Variants in GALNT17 observed in about 807,000 individuals in gnomAD.
GALNT17 encodes the protein polypeptide N-acetylgalactosaminyltransferase 17.
Under a neutral mutation model 63.7 loss-of-function variants are expected in GALNT17, and 29 were observed. The observed-to-expected ratio is 0.46, with a 90% CI of 0.34 to 0.62. GALNT17 has a LOEUF of 0.62. Ranked by LOEUF, GALNT17 falls within the 20% of genes least tolerant of loss-of-function variation. The probability of loss-of-function intolerance (pLI) is 0.01; values close to 1 mark genes in which losing one functional copy is unlikely to be tolerated. For missense variants in GALNT17, 603 were observed against 799.6 expected, an observed-to-expected ratio of 0.75 and a Z score of 2.97; for synonymous variants, 305 against 318.3, an observed-to-expected ratio of 0.96 and a Z score of 0.45.
At chr7:71,312,912 C>G (rs952358365) in intron 1 of GALNT17, among the ~76,000 whole-genome samples, 2 of 152,062 alleles carry the variant, frequency 1.3e-5, no homozygotes, top group Non-Finnish European at 2.9e-5. Flanking sequence ...GAGTTCAAGG[C>G]CAGCCTGGGC....
rs1441776535 is a variant in GALNT17 at position 71,472,979 on chromosome 7, A to T, written c.962+51874A>T. 3.3e-5 allele frequency among the ~76,000 whole-genome samples: 5 copies of T among 152,212 alleles called. No homozygotes were observed. The East Asian group carries it at 9.6e-4, about 29-fold the overall frequency. On this transcript the variant is annotated intron_variant, in intron 5 of 10. Coordinates refer to ENST00000333538, the MANE Select transcript of GALNT17 (RefSeq NM_022479.3). ...GGTTGTCAGGTTACAGGTTGGCTTT[A>T]TACAATTTATGAGACAAGAATTGTA...
At chr7:71,654,187 T>G (rs1330970264) in intron 6 of GALNT17, among the ~76,000 whole-genome samples, 2 of 152,112 alleles carry the variant, frequency 1.3e-5, no homozygotes, top group African/African-American at 2.4e-5. Context: ...AGCTAATTTT[T>G]TGTATTTTTA....
chr7:71,400,493 G>T (rs987969033), intron 3 of GALNT17, among the ~76,000 whole-genome samples: 1 of 152,020 alleles, frequency 6.6e-6, no homozygotes, highest in Non-Finnish European at 1.5e-5. Flanking sequence ...ACATTATATA[G>T]TCAAATCCAT....
intron 2 of GALNT17, among the ~76,000 whole-genome samples, chr7:71,388,009 A>AC (rs1445420885): frequency 6.6e-6 from 1 of 151,908 alleles, no homozygotes; most frequent in African/African-American, 2.4e-5. Context: ...CTAACTCACC[A>AC]CCTGTAGGGT....
At chr7:71,571,084 AGGC>A (rs1262289454) in intron 5 of GALNT17, among the ~76,000 whole-genome samples, 198 bp from the exon 6 acceptor site, 3 of 108,576 alleles carry the variant, frequency 2.8e-5, no homozygotes, top group Admixed American at 9.6e-5. Flanking sequence ...AGTACATGCT[AGGC>A]TGGAACCCAG....
At chr7:71,445,154 G>A (rs967220151) in intron 5 of GALNT17, among the ~76,000 whole-genome samples, 4 of 151,306 alleles carry the variant, frequency 2.6e-5, no homozygotes, top group Admixed American at 6.6e-5. Flanking sequence ...TCCCAGGGTG[G>A]AGCCACCTTT....
At chr7:71,235,645 T>C (rs1262226753) in intron 1 of GALNT17, among the ~76,000 whole-genome samples, 1 of 152,188 alleles carries the variant, frequency 6.6e-6, no homozygotes, top group African/African-American at 2.4e-5. Flanking sequence ...TTTATCAATC[T>C]CCCAGCACCG....
chr7:71,454,005 C>G (rs1228244806), intron 5 of GALNT17, among the ~76,000 whole-genome samples: 4 of 152,210 alleles, frequency 2.6e-5, no homozygotes, highest in Non-Finnish European at 5.9e-5. Flanking sequence ...TATACCTATT[C>G]ACACTATGAT....
intron 1 of GALNT17, among the ~76,000 whole-genome samples, chr7:71,246,687 G>A (rs895937702): frequency 8.6e-5 from 13 of 151,628 alleles, no homozygotes; most frequent in African/African-American, 3.1e-4. Flanking sequence ...AAAATTAGCC[G>A]GGCATGTGGC....
At chr7:71,401,719 A>G (rs1474316714) in intron 3 of GALNT17, among the ~76,000 whole-genome samples, 2 of 152,140 alleles carry the variant, frequency 1.3e-5, no homozygotes, top group African/African-American at 4.8e-5. Flanking sequence ...CCTTATGAGA[A>G]TCTAACGCCT....
chr7:71,377,939 T>C (rs2906253), intron 2 of GALNT17, among the ~76,000 whole-genome samples: 6,688 of 152,182 alleles, frequency 0.044, 515 homozygotes, highest in African/African-American at 0.15. Context: ...TGTGAGTCCA[T>C]TAAACCTCTT....
chr7:71,543,027 T>A (rs374095515), intron 5 of GALNT17, among the ~76,000 whole-genome samples: 62 of 93,362 alleles, frequency 6.6e-4, no homozygotes, highest in African/African-American at 2.4e-3. Context: ...GTGTTTAGTT[T>A]GACCTTTGTT....
At chr7:71,386,599 T>TA (rs1792949593) in intron 2 of GALNT17, among the ~76,000 whole-genome samples, 1 of 152,146 alleles carries the variant, frequency 6.6e-6, no homozygotes, top group Admixed American at 6.5e-5. Flanking sequence ...AATCATCTCT[T>TA]ACATCACCTG....
At position 71,697,213 on chromosome 7, in the gene GALNT17, T is replaced by C. The variant is rs568865481; in HGVS notation, c.1501-13548T>C. ...GTGGACCATGAGAGCAATGGAAGAT[T>C]GAGGCAAGGAATGGTATGGTTATAA... On this transcript the variant is annotated intron_variant, in intron 9 of 10. Transcript: ENST00000333538. 2.6e-5 allele frequency among the ~76,000 whole-genome samples: 4 copies of C among 152,190 alleles called. No individual in the cohort carries two copies. The East Asian group carries it at 7.7e-4, about 29-fold the overall frequency.
At chr7:71,702,760 G>GTA (rs1257027516) in intron 9 of GALNT17, among the ~76,000 whole-genome samples, 1 of 152,164 alleles carries the variant, frequency 6.6e-6, no homozygotes, top group Non-Finnish European at 1.5e-5. Flanking sequence ...GAACAGGGAG[G>GTA]TAGCTGTGGA....
At position 71,132,180 on chromosome 7, in the gene GALNT17, G is replaced by C. The variant is rs1585825242; in HGVS notation, c.-623G>C. 6.5e-6 allele frequency: 1 copy of C among 152,780 alleles called. No homozygotes were observed. Among genetic ancestry groups the C allele is most frequent in the African/African-American group, 2.4e-5 (1 of 41,594 alleles). 9.5% of individuals were successfully genotyped at this position (152,780 alleles called of 1,614,324 possible). A position where few individuals can be genotyped will look rare whatever the true frequency, so the allele number is the denominator to read the frequency against. Reference sequence around the variant, plus strand: ...GTGACTGCGGAGCCTGGAGGATGCGGGCTCCCCGAGCGGGCTTCCCCTCTG... The same window carrying C: ...GTGACTGCGGAGCCTGGAGGATGCGCGCTCCCCGAGCGGGCTTCCCCTCTG... On this transcript the variant is annotated 5_prime_UTR_variant, in exon 1 of 11. Coordinates refer to ENST00000333538, the MANE Select transcript of GALNT17 (RefSeq NM_022479.3).
intron 5 of GALNT17, among the ~76,000 whole-genome samples, chr7:71,530,477 C>T (rs1241418997): frequency 6.6e-6 from 1 of 152,168 alleles, no homozygotes; most frequent in African/African-American, 2.4e-5. Flanking sequence ...CTGGGAGGGA[C>T]TGGTTGTCAA....
chr7:71,660,015 C>T (rs1790883005), intron 6 of GALNT17, among the ~76,000 whole-genome samples: 1 of 152,182 alleles, frequency 6.6e-6, no homozygotes, highest in Non-Finnish European at 1.5e-5. Flanking sequence ...TGGTGCATTT[C>T]TGCCTGTGAT....
chr7:71,323,079 G>A (rs1791645203), intron 1 of GALNT17, among the ~76,000 whole-genome samples: 1 of 151,950 alleles, frequency 6.6e-6, no homozygotes. Flanking sequence ...TCTTGATAAT[G>A]TCTTGTAATA....
Sources: allele counts gnomAD v4.1 joint callset (sites outside exome capture counted in the v4.1 genomes callset), GRCh38; gene constraint gnomAD v4.1.1; transcripts MANE v1.5; gene names NCBI Gene and HGNC (gene_info 2026-07-23, HGNC 2026-07-21).